The following LRP1B variants were observed in gnomAD, a reference collection of about 807,000 sequenced individuals.
LRP1B encodes the protein LDL receptor related protein 1B, also known as low-density lipoprotein receptor-related protein 1B.
In LRP1B, 217 loss-of-function variants were observed where a neutral mutation model predicts 556.6. The ratio of observed to expected loss-of-function variants is 0.39; its 90% CI spans 0.35 to 0.44. The LOEUF is 0.44. Among genes scored for constraint, LRP1B ranks in the 20% least tolerant of loss-of-function variants. The probability of loss-of-function intolerance (pLI) is 1.00; values close to 1 mark genes in which losing one functional copy is unlikely to be tolerated. For synonymous variants in LRP1B, 2,047 were observed against 1,865.8 expected (o/e 1.10, Z -2.50); for missense variants, 5,053 against 5,620.8 (o/e 0.90, Z 3.23).
intron 77 of LRP1B, among the ~76,000 whole-genome samples, chr2:140,346,026 G>T (rs1043700007): frequency 2.0e-5 from 3 of 150,638 alleles, no homozygotes; most frequent in Middle Eastern, 6.8e-3. Context: ...ACAAACAATT[G>T]GAATTTTCTG....
rs141641748 is a variant in LRP1B, at chr2:140,854,936, C to A, written c.4580-3153G>T. On this transcript the variant is annotated intron_variant, in intron 27 of 90. Transcript: ENST00000389484. ...TTCAAAAGATGGGAAAGCCATTGAT[C>A]AATGGAGTGCTATAATAAATCTTAA... Among the ~76,000 whole-genome samples the A allele has an allele frequency of 8.6e-3, 1,302 of 152,232 alleles. 9 individuals carry two copies. Among genetic ancestry groups the A allele is most frequent in the Non-Finnish European group, 0.013 (864 of 68,010 alleles).
intron 1 of LRP1B, among the ~76,000 whole-genome samples, chr2:141,928,777 C>T (rs961107462): frequency 1.3e-5 from 2 of 152,084 alleles, no homozygotes; most frequent in African/African-American, 4.8e-5. Flanking sequence ...AAGACTGGAG[C>T]AGGAAAGGCA....
intron 7 of LRP1B, among the ~76,000 whole-genome samples, chr2:141,072,839 A>T (rs899995677): frequency 6.6e-6 from 1 of 152,094 alleles, no homozygotes; most frequent in African/African-American, 2.4e-5. Flanking sequence ...CCCAGCTAAA[A>T]TATCTATTTC....
intron 7 of LRP1B, among the ~76,000 whole-genome samples, chr2:141,089,481 C>A (rs1490354744): frequency 6.6e-6 from 1 of 152,084 alleles, no homozygotes; most frequent in Non-Finnish European, 1.5e-5. Context: ...TAACATAAAG[C>A]TGTTCATGTA....
At position 140,700,819 on chromosome 2, in the gene LRP1B, A is replaced by G. The variant is rs112070437; in HGVS notation, c.6428-198T>C. On this transcript the variant is annotated intron_variant, in intron 40 of 90. Coordinates refer to ENST00000389484, the MANE Select transcript of LRP1B (RefSeq NM_018557.3). Reference sequence around the variant, plus strand: ...AGCAGTTTAAATCTTGGGTTTCTTTATTTGGAAAATCATAGTCTGTTTCAT... The same window carrying G: ...AGCAGTTTAAATCTTGGGTTTCTTTGTTTGGAAAATCATAGTCTGTTTCAT... 4.1e-3 allele frequency among the ~76,000 whole-genome samples: 617 copies of G among 152,214 alleles called. 4 individuals carry two copies. Among genetic ancestry groups the G allele is most frequent in the African/African-American group, 0.013 (540 of 41,550 alleles).
intron 35 of LRP1B, among the ~76,000 whole-genome samples, chr2:140,748,995 G>A (rs755511903): frequency 1.8e-4 from 27 of 151,230 alleles, no homozygotes; most frequent in Admixed American, 8.0e-4. Flanking sequence ...AGGTTATATG[G>A]TACACAGCCT....
intron 2 of LRP1B, among the ~76,000 whole-genome samples, chr2:141,743,504 T>TTTTTTTTTTTTTTTTTTTTTTTTTTTTC: frequency 1.3e-5 from 1 of 79,040 alleles, no homozygotes; most frequent in Middle Eastern, 9.1e-3. Context: ...TTTTTTTCTT[T>TTTTTTTTTTTTTTTTTTTTTTTTTTTTC]TTTTTTTTTT....
chr2:141,477,215 A>G (rs1682745727), intron 3 of LRP1B, among the ~76,000 whole-genome samples: 1 of 151,944 alleles, frequency 6.6e-6, no homozygotes, highest in African/African-American at 2.4e-5. Context: ...CTTTAGGTAT[A>G]ATTACTTAAA....
chr2:140,758,237 A>G (rs1688803151), intron 35 of LRP1B, among the ~76,000 whole-genome samples: 1 of 152,124 alleles, frequency 6.6e-6, no homozygotes, highest in Admixed American at 6.6e-5. Flanking sequence ...TTAAAATAGT[A>G]TTTACAAATT....
intron 7 of LRP1B, among the ~76,000 whole-genome samples, chr2:141,090,912 G>C (rs1278233463): frequency 6.6e-6 from 1 of 152,078 alleles, no homozygotes; most frequent in Non-Finnish European, 1.5e-5. Context: ...AAATATCAAA[G>C]ATGAAATGTA....
intron 37 of LRP1B, among the ~76,000 whole-genome samples, chr2:140,707,780 T>C (rs1254918286): frequency 6.6e-6 from 1 of 152,102 alleles, no homozygotes; most frequent in Non-Finnish European, 1.5e-5. Flanking sequence ...TACAGGCCTA[T>C]CCCAAATCAT....
intron 2 of LRP1B, among the ~76,000 whole-genome samples, chr2:141,553,754 ATATAT>A (rs557009454): frequency 0.031 from 4,343 of 139,472 alleles, 255 homozygotes; most frequent in African/African-American, 0.11. Flanking sequence ...AAAATATATA[ATATAT>A]TATATATGTT....
At chr2:140,621,282 A>T (rs1683442552) in intron 41 of LRP1B, among the ~76,000 whole-genome samples, 1 of 149,352 alleles carries the variant, frequency 6.7e-6, no homozygotes, top group South Asian at 2.2e-4. Context: ...GGTACTCTGG[A>T]GGCTGAGGCA....
intron 3 of LRP1B, among the ~76,000 whole-genome samples, chr2:141,272,426 T>C (rs553336474): frequency 6.6e-6 from 1 of 152,060 alleles, no homozygotes; most frequent in East Asian, 1.9e-4. Context: ...TGACATGTGA[T>C]AAGGAAAACA....
intron 17 of LRP1B, 47 bp downstream of exon 17, chr2:140,989,485 G>A (rs750977697): frequency 6.2e-7 from 1 of 1,605,306 alleles, no homozygotes; most frequent in Admixed American, 1.7e-5. Context: ...TTTTTATTAA[G>A]ACTAACTTTG....
At chr2:140,930,717 T>C (rs1695022979) in intron 20 of LRP1B, among the ~76,000 whole-genome samples, 1 of 152,102 alleles carries the variant, frequency 6.6e-6, no homozygotes, top group Non-Finnish European at 1.5e-5. Context: ...CTTTGAAAAT[T>C]AAAAAGCACT....
intron 41 of LRP1B, among the ~76,000 whole-genome samples, chr2:140,603,456 C>T (rs924706223): frequency 2.6e-5 from 4 of 152,066 alleles, no homozygotes; most frequent in South Asian, 2.1e-4. Flanking sequence ...TAGCATTACA[C>T]GCCTTTCATC....
At position 140,415,721 on chromosome 2, in the gene LRP1B, G is replaced by A. The variant is rs534859283; in HGVS notation, c.10414+26783C>T. On this transcript the variant is annotated intron_variant, in intron 66 of 90. Transcript: ENST00000389484. ...AAAGCCTGGCCTGAGTTCTGAACAG[G>A]AGCAGACATCCTGCCTGTGTCCATG... 6.6e-5 allele frequency among the ~76,000 whole-genome samples: 10 copies of A among 152,222 alleles called. No individual in the cohort carries two copies. The South Asian group carries it at 2.1e-3, about 32-fold the overall frequency.
intron 7 of LRP1B, among the ~76,000 whole-genome samples, chr2:141,113,984 G>A (rs1332770986): frequency 6.6e-6 from 1 of 152,212 alleles, no homozygotes; most frequent in African/African-American, 2.4e-5. Flanking sequence ...TTATTTAACA[G>A]GTCATTCTAT....
Sources: allele counts gnomAD v4.1 joint callset (sites outside exome capture counted in the v4.1 genomes callset), GRCh38; gene constraint gnomAD v4.1.1; transcripts MANE v1.5; gene names NCBI Gene and HGNC (gene_info 2026-07-23, HGNC 2026-07-21).